MIA2: variants seen among roughly 807,000 people sequenced by gnomAD.
MIA2 encodes the protein melanoma inhibitory activity protein 2.
A neutral mutation model predicts 167.8 loss-of-function variants in MIA2; 127 were observed. The ratio of observed to expected loss-of-function variants is 0.76; its 90% CI spans 0.66 to 0.88. The LOEUF is 0.88. Ranked by LOEUF, MIA2 falls within the 40% of genes least tolerant of loss-of-function variation. MIA2 has a pLI of 0.00. For missense variants in MIA2, 1,690 were observed against 1,624.7 expected, an observed-to-expected ratio of 1.04 and a Z score of -0.69; for synonymous variants, 552 against 541.9, an observed-to-expected ratio of 1.02 and a Z score of -0.26.
At chr14:39,268,004 T>C (rs1315329088) in intron 6 of MIA2, among the ~76,000 whole-genome samples, 7 of 149,034 alleles carry the variant, frequency 4.7e-5, no homozygotes, top group Admixed American at 2.0e-4. Flanking sequence ...TGGTAAAGAA[T>C]GAATGCCCTT....
chr14:39,285,609 C>T (rs538347589), intron 9 of MIA2, among the ~76,000 whole-genome samples: 17 of 134,570 alleles, frequency 1.3e-4, no homozygotes, highest in African/African-American at 3.9e-4. Flanking sequence ...GCTGGCCGGG[C>T]GGGGGCTGCC....
intron 22 of MIA2, 64 bp downstream of exon 22, chr14:39,318,075 T>C: frequency 8.3e-7 from 1 of 1,209,134 alleles, no homozygotes; most frequent in Non-Finnish European, 1.2e-6. Flanking sequence ...TAGGTAATAC[T>C]TTTATAAGGT....
chr14:39,387,138 C>T, exon 24 of MIA2: 1 of 545,782 alleles, frequency 1.8e-6, no homozygotes, highest in Non-Finnish European at 3.2e-6. Context: ...ACTTTCAAGC[C>T]TTATTGTTTA....
intron 13 of MIA2, among the ~76,000 whole-genome samples, chr14:39,299,266 G>T (rs2062003616): frequency 6.9e-6 from 1 of 144,192 alleles, no homozygotes; most frequent in Non-Finnish European, 1.5e-5. Flanking sequence ...GTAGAATACT[G>T]TTGTGGAGAA....
chr14:39,307,197 A>T (rs931630250), intron 17 of MIA2, among the ~76,000 whole-genome samples: 1 of 152,028 alleles, frequency 6.6e-6, no homozygotes, highest in African/African-American at 2.4e-5. Context: ...ACTAGATAAA[A>T]ACAGGCATTA....
In MIA2 at chr14:39,288,451, A is replaced by ATTTTT. The variant is rs1566746956; in HGVS notation, c.2131-2567_2131-2566insTTTTT. 3.4e-3 allele frequency among the ~76,000 whole-genome samples: 30 copies of ATTTTT among 8,784 alleles called. 3 individuals carry two copies. The highest frequency in any genetic ancestry group is 4.1e-3 in the African/African-American group (10 of 2,448). The allele number at this position is 8,784 out of a possible 152,430, so 5.8% of individuals were successfully genotyped here. ...ATTATACATATATATATATATATAT[A>ATTTTT]TATATATATATATATATATATATAT... On this transcript the variant is annotated intron_variant, in intron 9 of 28. Coordinates refer to ENST00000640607, the MANE Select transcript of MIA2 (RefSeq NM_001329214.4).
Position 39,247,738 on chromosome 14 carries a change from A to C in MIA2, c.1164A>C (p.Ala388=). The change falls in exon 4 of 29, where the codon GCA becomes GCC. Residue 388 remains alanine (A), a synonymous_variant. Transcript: ENST00000640607. ...FDFGFAILGF[A]YAKEDKIMLD... ...TTGGTTTTGCTATACTAGGCTTTGCATATGCCAAGGAAGATAAAATTATGT... is the reference window on the plus strand; with the variant it reads ...TTGGTTTTGCTATACTAGGCTTTGCCTATGCCAAGGAAGATAAAATTATGT... 6.2e-7 allele frequency: 1 copy of C among 1,613,452 alleles called. No homozygotes were observed. The highest frequency in any genetic ancestry group is 1.7e-4 in the Middle Eastern group (1 of 6,054).
At chr14:39,295,633 C>G (rs2061322334) in intron 13 of MIA2, among the ~76,000 whole-genome samples, 1 of 152,012 alleles carries the variant, frequency 6.6e-6, no homozygotes, top group Non-Finnish European at 1.5e-5. Context: ...GATCTCGGCT[C>G]ACTGCGACCT....
intron 9 of MIA2, among the ~76,000 whole-genome samples, chr14:39,282,652 C>T (rs1182099663): frequency 6.6e-6 from 1 of 152,162 alleles, no homozygotes; most frequent in Non-Finnish European, 1.5e-5. Context: ...TGGCTCATTG[C>T]AGCCTCTATC....
At chr14:39,237,411 A>G in intron 2 of MIA2, 1 of 285,898 alleles carries the variant, frequency 3.5e-6, no homozygotes. Flanking sequence ...TACAGGTGTG[A>G]GCCACCGCAC....
chr14:39,303,694 A>G (rs2062873469), intron 16 of MIA2, among the ~76,000 whole-genome samples, 170 bp downstream of exon 16: 1 of 152,136 alleles, frequency 6.6e-6, no homozygotes, highest in South Asian at 2.1e-4. Flanking sequence ...TATTAACTTT[A>G]GAAATTTATA....
In MIA2 at chr14:39,347,761, A is replaced by T. The variant is rs750361090; in HGVS notation, c.3827A>T (p.Asp1276Val). ...EMESSRNDTKDDLGNLNVPDS... is the reference protein window; with the variant it reads ...EMESSRNDTKVDLGNLNVPDS... The stretch of plus-strand genomic sequence containing the variant: ...GAATCCAGTAGAAATGATACCAAAG[A>T]TGATCTTGGTGTAAGTATTGAAAGA... Residue 1276 changes from aspartate (D) to valine (V), a missense_variant, in exon 27 of 29, where the codon GAT (aspartate) becomes GTT (valine). Physicochemically the swap from Asp to Val is radical, Grantham distance 152. Coordinates refer to ENST00000640607, the MANE Select transcript of MIA2 (RefSeq NM_001329214.4). 6.2e-7 allele frequency: 1 copy of T among 1,604,414 alleles called. No homozygotes were observed. Among genetic ancestry groups the T allele is most frequent in the South Asian group, 1.1e-5 (1 of 90,846 alleles).
At chr14:39,271,606 A>T (rs574442532) in intron 6 of MIA2, among the ~76,000 whole-genome samples, 4 of 152,100 alleles carry the variant, frequency 2.6e-5, no homozygotes, top group Admixed American at 6.6e-5. Flanking sequence ...TCTGTTGATC[A>T]GTTTAGGGAG....
Position 39,304,283 on chromosome 14 carries a change from C to T in MIA2, c.2788-8C>T. On this transcript the variant is annotated splice_region_variant and splice_polypyrimidine_tract_variant and intron_variant, in intron 16 of 28. Coordinates refer to ENST00000640607, the MANE Select transcript of MIA2 (RefSeq NM_001329214.4). Reference sequence around the variant, plus strand: ...ATGTTACTTTTTTCCTTCTTCCCTTCTTTAAAGTTAAATGCTTCTTTAAAA... The same window carrying T: ...ATGTTACTTTTTTCCTTCTTCCCTTTTTTAAAGTTAAATGCTTCTTTAAAA... 7.4e-7 allele frequency: 1 copy of T among 1,344,682 alleles called. No individual in the cohort carries two copies. Among genetic ancestry groups the T allele is most frequent in the Non-Finnish European group, 1.0e-6 (1 of 971,590 alleles). 83.3% of individuals were successfully genotyped at this position (1,344,682 alleles called of 1,614,324 possible). A position where few individuals can be genotyped will look rare whatever the true frequency, so the allele number is the denominator to read the frequency against.
chr14:39,378,350 TC>T (rs765775059), intron 23 of MIA2, among the ~76,000 whole-genome samples: 2 of 152,254 alleles, frequency 1.3e-5, no homozygotes, highest in Non-Finnish European at 2.9e-5. Flanking sequence ...CAATATTGGA[TC>T]AGCAAACCTC....
intron 1 of MIA2, among the ~76,000 whole-genome samples, chr14:39,234,619 T>C (rs1386430761): frequency 6.6e-6 from 1 of 152,158 alleles, no homozygotes; most frequent in Admixed American, 6.5e-5. Flanking sequence ...CCTTTATTTA[T>C]GAAGGCCTTT....
chr14:39,273,447 G>C (rs1173310967), intron 6 of MIA2, among the ~76,000 whole-genome samples: 1 of 151,954 alleles, frequency 6.6e-6, no homozygotes, highest in Non-Finnish European at 1.5e-5. Flanking sequence ...CGACTTCCTG[G>C]GCACAGGTGA....
At chr14:39,264,366 G>T (rs1192537508) in intron 6 of MIA2, among the ~76,000 whole-genome samples, 2 of 152,140 alleles carry the variant, frequency 1.3e-5, no homozygotes, top group African/African-American at 4.8e-5. Flanking sequence ...CCTAGGGTGA[G>T]TCCATGTCTT....
chr14:39,374,578 A>G (rs1418290142), intron 23 of MIA2, among the ~76,000 whole-genome samples: 4 of 152,194 alleles, frequency 2.6e-5, no homozygotes, highest in Non-Finnish European at 5.9e-5. Context: ...GACTCAGTTC[A>G]TTTCTATAGA....
Sources: gnomAD v4.1 joint callset for allele counts (sites outside exome capture counted in the v4.1 genomes callset) on GRCh38, gnomAD v4.1.1 for gene constraint, MANE v1.5 for transcripts, NCBI Gene and HGNC (gene_info 2026-07-23, HGNC 2026-07-21) for gene names.